PSMG2: variants seen among roughly 807,000 people sequenced by gnomAD.
PSMG2 encodes CD40 ligand-activated specific transcript 3.
In PSMG2, 21 loss-of-function variants were observed where a neutral mutation model predicts 31.5. The ratio of observed to expected loss-of-function variants is 0.67; its 90% CI spans 0.47 to 0.96. The LOEUF (loss-of-function observed/expected upper bound fraction) is 0.96. Ranked by LOEUF, PSMG2 falls within the 40% of genes least tolerant of loss-of-function variation. The probability of loss-of-function intolerance (pLI) is 0.00; values close to 1 mark genes in which losing one functional copy is unlikely to be tolerated. For missense variants in PSMG2, 318 were observed against 321.2 expected (o/e 0.99, Z 0.08); for synonymous variants, 120 against 110.4 (o/e 1.09, Z -0.54).
At chr18:12,724,686 C>G (rs1485012009) in intron 6 of PSMG2, 67 bp downstream of exon 6, 1 of 1,371,332 alleles carries the variant, frequency 7.3e-7, no homozygotes, top group South Asian at 1.8e-5. Flanking sequence ...ACTTTATATA[C>G]TACCTAAGTA....
chr18:12,717,300 G>A (rs2040386414), intron 3 of PSMG2, among the ~76,000 whole-genome samples: 1 of 151,996 alleles, frequency 6.6e-6, no homozygotes, highest in African/African-American at 2.4e-5. Context: ...TATTTTAAAA[G>A]TTAGCCTGCA....
At chr18:12,697,278 C>T (rs752736406) in intron 1 of PSMG2, 61 of 1,613,886 alleles carry the variant, frequency 3.8e-5, no homozygotes, top group African/African-American at 5.3e-5. Context: ...AGCCCAAAAC[C>T]GATCGCCATT....
chr18:12,680,805 G>C (rs1471799094), intron 1 of PSMG2: 3 of 1,610,526 alleles, frequency 1.9e-6, no homozygotes, highest in Non-Finnish European at 2.5e-6. Context: ...TGCACAGAAG[G>C]TTAGCGTGAT....
At chr18:12,666,742 C>T (rs2038812154) in intron 1 of PSMG2, among the ~76,000 whole-genome samples, 1 of 150,836 alleles carries the variant, frequency 6.6e-6, no homozygotes, top group African/African-American at 2.5e-5. Context: ...AGTCACCACA[C>T]CCGGCCAAAA....
intron 3 of PSMG2, 47 bp from the exon 4 acceptor site, chr18:12,718,470 A>C (rs2040398868): frequency 8.1e-7 from 1 of 1,231,336 alleles, no homozygotes; most frequent in East Asian, 2.3e-5. Context: ...GTATGCTCTA[A>C]GACTAACTTT....
At chr18:12,674,301 G>C (rs1395591930) in intron 1 of PSMG2, among the ~76,000 whole-genome samples, 1 of 152,016 alleles carries the variant, frequency 6.6e-6, no homozygotes, top group East Asian at 1.9e-4. Flanking sequence ...AAATAGCCAG[G>C]TATGGTGGCA....
At chr18:12,719,490 C>T (rs1273668418) in intron 4 of PSMG2, among the ~76,000 whole-genome samples, 1 of 151,600 alleles carries the variant, frequency 6.6e-6, no homozygotes, top group Non-Finnish European at 1.5e-5. Flanking sequence ...TGGATTCAAG[C>T]GATTCTCCTG....
At chr18:12,702,616 G>A (rs560080847), upstream of PSMG2, 159 of 1,526,890 alleles carry the variant, frequency 1.0e-4, no homozygotes, top group South Asian at 1.8e-3. Flanking sequence ...GCCCCGGCCG[G>A]GCCAGGGAGC....
At chr18:12,669,865 C>T (rs1479084105) in intron 1 of PSMG2, among the ~76,000 whole-genome samples, 4 of 151,942 alleles carry the variant, frequency 2.6e-5, no homozygotes, top group East Asian at 1.9e-4. Context: ...AGTGTGGTGG[C>T]GCATGCCTGT....
At chr18:12,702,584 C>T (rs1317151056), upstream of PSMG2, 3 of 1,588,206 alleles carry the variant, frequency 1.9e-6, no homozygotes, top group Non-Finnish European at 2.6e-6. Context: ...CTTCTCCCCG[C>T]CTCAGATGCC....
At chr18:12,692,431 C>T (rs148508382) in intron 1 of PSMG2, 3,184 of 152,392 alleles carry the variant, frequency 0.021, 59 homozygotes, top group Non-Finnish European at 0.027. Flanking sequence ...TTTCTCCTCT[C>T]TCCCCAACCC....
chr18:12,660,233 A>T (rs2038667991), intron 1 of PSMG2, among the ~76,000 whole-genome samples: 1 of 152,190 alleles, frequency 6.6e-6, no homozygotes, highest in Non-Finnish European at 1.5e-5. Flanking sequence ...GGGAAGGAGG[A>T]AGTGAGTAAA....
chr18:12,701,497 C>T (rs1448428894), upstream of PSMG2, among the ~76,000 whole-genome samples: 1 of 152,084 alleles, frequency 6.6e-6, no homozygotes, highest in African/African-American at 2.4e-5. Context: ...TAACCTCAAG[C>T]CAACTTATTT....
At position 12,704,428 on chromosome 18, in the gene PSMG2, A is replaced by C. The variant is rs888937402; in HGVS notation, c.57+1264A>C. Among the ~76,000 whole-genome samples the C allele has an allele frequency of 4.6e-5, 7 of 152,086 alleles. 1 individual carries two copies. In the South Asian group the frequency reaches 1.5e-3, roughly 32 times the overall value. On this transcript the variant is annotated intron_variant, in intron 1 of 6. Transcript: ENST00000317615. ...ATAGTGATACCTCATCTCTACAAAA[A>C]AATAAATAAAAATTAGCCAGGTGTG...
chr18:12,719,447 G>A (rs1320286772), intron 4 of PSMG2, among the ~76,000 whole-genome samples: 1 of 152,026 alleles, frequency 6.6e-6, no homozygotes, highest in Non-Finnish European at 1.5e-5. Context: ...GAGTGCAGTG[G>A]CATGGTCTCA....
chr18:12,661,290 A>G (rs2038691277), intron 1 of PSMG2: 2 of 786,216 alleles, frequency 2.5e-6, no homozygotes, highest in Non-Finnish European at 1.5e-6. Flanking sequence ...CCTGGGTGAC[A>G]AGAGTGAGCC....
chr18:12,698,118 A>G (rs1260138517), upstream of PSMG2, among the ~76,000 whole-genome samples: 1 of 151,814 alleles, frequency 6.6e-6, no homozygotes, highest in African/African-American at 2.4e-5. Flanking sequence ...AAAAATTAAA[A>G]TGACAGTTAT....
At chr18:12,691,358 C>A in intron 1 of PSMG2, 1 of 1,561,504 alleles carries the variant, frequency 6.4e-7, no homozygotes, top group Non-Finnish European at 8.7e-7. Context: ...AATTTACAAA[C>A]CTGTGCAAAA....
At chr18:12,668,732 TCC>T (rs1462815431) in intron 1 of PSMG2, among the ~76,000 whole-genome samples, 33 of 138,012 alleles carry the variant, frequency 2.4e-4, no homozygotes, top group Non-Finnish European at 3.9e-4. Flanking sequence ...TACACTTTAT[TCC>T]TTTTTTTTTT....
Sources: gnomAD v4.1 joint callset for allele counts (sites outside exome capture counted in the v4.1 genomes callset) on GRCh38, gnomAD v4.1.1 for gene constraint, MANE v1.5 for transcripts, NCBI Gene and HGNC (gene_info 2026-07-23, HGNC 2026-07-21) for gene names.